Variants in DMXL2 observed in about 807,000 individuals in gnomAD.
DMXL2 encodes Dmx like 2, also known as dmX-like protein 2.
Under a neutral mutation model 331.1 loss-of-function variants are expected in DMXL2, and 103 were observed. The observed-to-expected ratio is 0.31, with a 90% CI of 0.27 to 0.37. The LOEUF (loss-of-function observed/expected upper bound fraction) is 0.37. Among genes scored for constraint, DMXL2 ranks in the 10% least tolerant of loss-of-function variants. The pLI is 1.00. For synonymous variants in DMXL2, 1,281 were observed against 1,252.1 expected, an observed-to-expected ratio of 1.02 and a Z score of -0.49; for missense variants, 3,171 against 3,642.9, an observed-to-expected ratio of 0.87 and a Z score of 3.33.
chr15:51,594,280 T>C (rs1490670688), intron 1 of DMXL2, among the ~76,000 whole-genome samples: 2 of 152,128 alleles, frequency 1.3e-5, no homozygotes, highest in African/African-American at 4.8e-5. Context: ...GAGAATACTA[T>C]AAACACCTCT....
At chr15:51,582,315 T>G (rs1439479877) in intron 1 of DMXL2, among the ~76,000 whole-genome samples, 1 of 152,178 alleles carries the variant, frequency 6.6e-6, no homozygotes, top group Non-Finnish European at 1.5e-5. Flanking sequence ...CTTTACTGTT[T>G]TTTCCACTTT....
chr15:51,620,538 A>G (rs2054561838), intron 1 of DMXL2, among the ~76,000 whole-genome samples: 1 of 152,270 alleles, frequency 6.6e-6, no homozygotes, highest in Admixed American at 6.5e-5. Flanking sequence ...TAACACAGCT[A>G]TTAAAAACAA....
chr15:51,611,031 G>A (rs1595750679), intron 1 of DMXL2, among the ~76,000 whole-genome samples: 1 of 151,776 alleles, frequency 6.6e-6, no homozygotes, highest in Non-Finnish European at 1.5e-5. Context: ...CTATTAGGGA[G>A]AAAGACAAAA....
chr15:51,511,561 G>A (rs1275156443), intron 15 of DMXL2, among the ~76,000 whole-genome samples: 2 of 152,202 alleles, frequency 1.3e-5, no homozygotes, highest in Non-Finnish European at 2.9e-5. Context: ...AGAGGATGTG[G>A]AGAAACAGGA....
At position 51,575,045 on chromosome 15, in the gene DMXL2, G is replaced by C. The variant is rs538447675; in HGVS notation, c.213+1011C>G. 4.6e-5 allele frequency among the ~76,000 whole-genome samples: 7 copies of C among 152,158 alleles called. No individual in the cohort carries two copies. The South Asian group carries it at 8.3e-4, about 18-fold the overall frequency. Reference sequence around the variant, plus strand: ...AATGCTTGAGGGTGGGGAGTACCTGGGGGGAAAAATTAGAAAAGCAAGAAA... The same window carrying C: ...AATGCTTGAGGGTGGGGAGTACCTGCGGGGAAAAATTAGAAAAGCAAGAAA... On this transcript the variant is annotated intron_variant, in intron 2 of 43. Coordinates refer to ENST00000560891, the MANE Select transcript of DMXL2 (RefSeq NM_001378457.1).
chr15:51,577,263 G>A (rs1160464489), intron 1 of DMXL2, among the ~76,000 whole-genome samples: 1 of 152,126 alleles, frequency 6.6e-6, no homozygotes, highest in Non-Finnish European at 1.5e-5. Flanking sequence ...GGGCTGACAT[G>A]TGATGACATC....
chr15:51,619,534 C>T (rs887335002), intron 1 of DMXL2, among the ~76,000 whole-genome samples: 1 of 152,210 alleles, frequency 6.6e-6, no homozygotes, highest in East Asian at 1.9e-4. Flanking sequence ...GACATCACGA[C>T]ATCAAGTAGT....
intron 1 of DMXL2, among the ~76,000 whole-genome samples, chr15:51,614,228 C>A (rs1465689155): frequency 6.6e-6 from 1 of 152,172 alleles, no homozygotes; most frequent in Non-Finnish European, 1.5e-5. Context: ...TAAACCAAAT[C>A]TGCTGACACA....
chr15:51,595,651 G>T (rs887876689), intron 1 of DMXL2, among the ~76,000 whole-genome samples: 1 of 152,086 alleles, frequency 6.6e-6, no homozygotes, highest in Non-Finnish European at 1.5e-5. Context: ...GAGGCATCAC[G>T]CCACCTGACT....
chr15:51,496,542 A>G (rs2043193744), intron 18 of DMXL2, among the ~76,000 whole-genome samples: 2 of 152,206 alleles, frequency 1.3e-5, no homozygotes, highest in Non-Finnish European at 2.9e-5. Flanking sequence ...CTTTTATTCT[A>G]AAGTGAGACA....
chr15:51,570,918 T>G (rs1250878861), intron 2 of DMXL2, among the ~76,000 whole-genome samples: 1 of 152,118 alleles, frequency 6.6e-6, no homozygotes, highest in Non-Finnish European at 1.5e-5. Context: ...ATGACAGGAT[T>G]AAATTCACAC....
chr15:51,517,623 C>G (rs886693403), intron 13 of DMXL2, among the ~76,000 whole-genome samples: 3 of 152,228 alleles, frequency 2.0e-5, no homozygotes, highest in Non-Finnish European at 4.4e-5. Context: ...AATCCCAAAA[C>G]TTTCTGCTAA....
At chr15:51,616,502 A>G (rs2054293174) in intron 1 of DMXL2, among the ~76,000 whole-genome samples, 1 of 152,224 alleles carries the variant, frequency 6.6e-6, no homozygotes, top group South Asian at 2.1e-4. Flanking sequence ...GTTAAGATGT[A>G]CTTGTCCCTC....
At chr15:51,578,375 A>T (rs2051186632) in intron 1 of DMXL2, among the ~76,000 whole-genome samples, 1 of 152,218 alleles carries the variant, frequency 6.6e-6, no homozygotes, top group Non-Finnish European at 1.5e-5. Flanking sequence ...TACTTAAGAT[A>T]AATTCACTCT....
intron 6 of DMXL2, among the ~76,000 whole-genome samples, chr15:51,548,818 G>C (rs1015695432): frequency 6.6e-6 from 1 of 151,676 alleles, no homozygotes; most frequent in African/African-American, 2.4e-5. Flanking sequence ...AAATTACAGG[G>C]GAAATTTTAA....
At chr15:51,538,521 T>G in intron 9 of DMXL2, 69 bp from the exon 10 acceptor site, 1 of 1,256,344 alleles carries the variant, frequency 8.0e-7, no homozygotes, top group Non-Finnish European at 1.1e-6. Context: ...GTGCTTACAA[T>G]GACTAATCTA....
intron 13 of DMXL2, among the ~76,000 whole-genome samples, chr15:51,528,791 A>C (rs1185062021): frequency 6.6e-6 from 1 of 151,566 alleles, no homozygotes; most frequent in Non-Finnish European, 1.5e-5. Context: ...CATTTCATCC[A>C]ACAGCTACAG....
intron 3 of DMXL2, among the ~76,000 whole-genome samples, chr15:51,566,712 C>T (rs2050312917): frequency 6.6e-6 from 1 of 151,908 alleles, no homozygotes; most frequent in African/African-American, 2.4e-5. Flanking sequence ...ATACCAAAAC[C>T]ATTTGTTTTA....
chr15:51,547,314 G>T lies in DMXL2; in HGVS notation c.662C>A (p.Ser221Tyr). ...CAAGTAAACAAAAGAAAATTGAGTAGAGGACTGTCTCCTTTTTACTTCATG... is the reference window on the plus strand; with the variant it reads ...CAAGTAAACAAAAGAAAATTGAGTATAGGACTGTCTCCTTTTTACTTCATG... ...DHHEVKRRQS[S>Y]TQFSFVYLAH... Residue 221 changes from serine (S) to tyrosine (Y), a missense_variant, in exon 7 of 44, where the codon TCT becomes TAT. By Grantham distance (144) the Ser-to-Tyr change is moderately radical (BLOSUM62 -2). Around this residue, in one of 7 missense-constraint regions of DMXL2, gnomAD observed 1,674 missense variants for 1,780.2 expected, o/e 0.94. Coordinates refer to ENST00000560891, the MANE Select transcript of DMXL2 (RefSeq NM_001378457.1). The T allele has an allele frequency of 2.5e-6, 4 of 1,613,150 alleles. No homozygotes were observed. Among genetic ancestry groups the T allele is most frequent in the Non-Finnish European group, 3.4e-6 (4 of 1,179,390 alleles).
Sources: allele counts gnomAD v4.1 joint callset (sites outside exome capture counted in the v4.1 genomes callset), GRCh38; gene constraint gnomAD v4.1.1; regional missense constraint gnomAD v4.1.1; transcripts MANE v1.5; gene names NCBI Gene and HGNC (gene_info 2026-07-23, HGNC 2026-07-21).